The following MAP3K13 variants were observed in gnomAD, a reference collection of about 807,000 sequenced individuals.
MAP3K13 encodes the protein leucine zipper-bearing kinase.
MAP3K13 carries 52 observed loss-of-function variants against 104.0 expected under a neutral mutation model. The ratio of observed to expected loss-of-function variants is 0.50; its 90% CI spans 0.40 to 0.63. MAP3K13 has a LOEUF of 0.63. Among genes scored for constraint, MAP3K13 ranks in the 20% least tolerant of loss-of-function variants. The pLI is 0.00. For missense variants in MAP3K13, 914 were observed against 1,218.5 expected (o/e 0.75, Z 3.72); for synonymous variants, 394 against 442.2 (o/e 0.89, Z 1.37).
chr3:185,398,990 T>C (rs1336324449), intron 1 of MAP3K13, among the ~76,000 whole-genome samples: 1 of 152,218 alleles, frequency 6.6e-6, no homozygotes, highest in Non-Finnish European at 1.5e-5. Context: ...ACAATAAAGC[T>C]ATATGTAGCT....
chr3:185,289,079 G>A (rs1416168506), intron 2 of MAP3K13, among the ~76,000 whole-genome samples: 1 of 152,176 alleles, frequency 6.6e-6, no homozygotes, highest in African/African-American at 2.4e-5. Flanking sequence ...GGAATTTTTA[G>A]AAGACTTTGG....
intron 2 of MAP3K13, among the ~76,000 whole-genome samples, chr3:185,330,407 G>A (rs146358322): frequency 1.3e-5 from 2 of 151,946 alleles, no homozygotes; most frequent in African/African-American, 2.4e-5. Flanking sequence ...TCCAGGACGC[G>A]TTGTCCTAAG....
At position 185,454,628 on chromosome 3, in the gene MAP3K13, T is replaced by TATAG. The variant is rs1553808134; in HGVS notation, c.1278+3236_1278+3237insGATA. 7.1e-3 allele frequency among the ~76,000 whole-genome samples: 372 copies of TATAG among 52,214 alleles called. 73 individuals are homozygous for TATAG. The highest frequency in any genetic ancestry group is 0.033 in the Middle Eastern group (1 of 30). 34.3% of individuals were successfully genotyped at this position (52,214 alleles called of 152,430 possible). ...AGATATATATGATATATATATGAGA[T>TATAG]ATATATATGAGATATATATATGATA... is the stretch of plus-strand genomic sequence containing the variant. On this transcript the variant is annotated intron_variant, in intron 7 of 13. Coordinates refer to ENST00000265026, the MANE Select transcript of MAP3K13 (RefSeq NM_004721.5).
At chr3:185,407,521 A>G (rs1474488675) in intron 1 of MAP3K13, among the ~76,000 whole-genome samples, 1 of 152,206 alleles carries the variant, frequency 6.6e-6, no homozygotes, top group Non-Finnish European at 1.5e-5. Context: ...GGATTTTGTC[A>G]AAGACTTCTT....
chr3:185,434,490 T>C (rs1714914411), intron 2 of MAP3K13, among the ~76,000 whole-genome samples: 2 of 152,218 alleles, frequency 1.3e-5, no homozygotes, highest in Non-Finnish European at 2.9e-5. Context: ...GCCAGGAAAC[T>C]GTCCTCTTTA....
intron 2 of MAP3K13, among the ~76,000 whole-genome samples, chr3:185,311,031 GT>G (rs1721478701): frequency 6.6e-6 from 1 of 152,146 alleles, no homozygotes; most frequent in Non-Finnish European, 1.5e-5. Flanking sequence ...GCTATTTTGT[GT>G]TTCTCTAAAT....
intron 2 of MAP3K13, among the ~76,000 whole-genome samples, chr3:185,312,028 A>G (rs962722955): frequency 6.6e-6 from 1 of 152,262 alleles, no homozygotes; most frequent in Non-Finnish European, 1.5e-5. Flanking sequence ...TGTTATTTAG[A>G]AAGGCATTGG....
At chr3:185,317,151 T>A (rs569503188) in intron 2 of MAP3K13, among the ~76,000 whole-genome samples, 1 of 151,102 alleles carries the variant, frequency 6.6e-6, no homozygotes, top group East Asian at 1.9e-4. Context: ...GATTATGAAA[T>A]CTGAGTTACG....
chr3:185,482,353 A>G lies in MAP3K13; in HGVS notation c.2800-2A>G, dbSNP rs1718513055. ...AATTAAGGTTTTGTCTTGCCTTTGC[A>G]GAACCCCATGCAGTTTGAAGAATCG... On this transcript the variant is annotated splice_acceptor_variant, in intron 13 of 13. Transcript: ENST00000265026. LOFTEE classifies it high-confidence loss of function. This position sits in a 1 kb window ranked among gnomAD's most constrained non-coding sequence, Gnocchi z 4.5. The G allele has an allele frequency of 1.2e-6, 2 of 1,610,762 alleles. No homozygotes were observed. Among genetic ancestry groups the G allele is most frequent in the Non-Finnish European group, 1.7e-6 (2 of 1,176,930 alleles).
At chr3:185,454,506 G>GAT (rs1390027848) in intron 7 of MAP3K13, among the ~76,000 whole-genome samples, 5 of 92,276 alleles carry the variant, frequency 5.4e-5, no homozygotes, top group East Asian at 2.9e-4. Context: ...ATATATATGA[G>GAT]ATATATATGA....
intron 2 of MAP3K13, among the ~76,000 whole-genome samples, chr3:185,436,390 T>C (rs1715030099): frequency 6.6e-6 from 1 of 152,214 alleles, no homozygotes; most frequent in Admixed American, 6.5e-5. Context: ...AATGGCTCTC[T>C]CAATTACTTT....
chr3:185,392,166 G>T (rs1712095371), intron 1 of MAP3K13, among the ~76,000 whole-genome samples: 2 of 152,188 alleles, frequency 1.3e-5, no homozygotes, highest in Admixed American at 1.3e-4. Flanking sequence ...GGCCTAATGA[G>T]TTCAAGGATT....
chr3:185,460,699 G>A (rs1052581664), intron 7 of MAP3K13, among the ~76,000 whole-genome samples: 1 of 152,186 alleles, frequency 6.6e-6, no homozygotes, highest in South Asian at 2.1e-4. Flanking sequence ...ACCTTCGGGG[G>A]AAACACATTA....
At chr3:185,286,831 T>A (rs944812648) in intron 2 of MAP3K13, among the ~76,000 whole-genome samples, 1 of 152,080 alleles carries the variant, frequency 6.6e-6, no homozygotes, top group Non-Finnish European at 1.5e-5. Context: ...ATCTCACATT[T>A]TTTCCATATA....
At chr3:185,348,780 G>T (rs1175283987) in intron 2 of MAP3K13, among the ~76,000 whole-genome samples, 2 of 152,164 alleles carry the variant, frequency 1.3e-5, no homozygotes, top group African/African-American at 4.8e-5. Context: ...AGCTGGGCGT[G>T]GTGGCGGGCG....
chr3:185,320,140 G>GTGCGA (rs1376251736), intron 2 of MAP3K13, among the ~76,000 whole-genome samples: 3 of 151,588 alleles, frequency 2.0e-5, no homozygotes, highest in Non-Finnish European at 4.4e-5. Context: ...GAGTGGAGTG[G>GTGCGA]TGCGATCTCA....
At chr3:185,340,002 T>G (rs1722659268) in intron 2 of MAP3K13, among the ~76,000 whole-genome samples, 1 of 152,162 alleles carries the variant, frequency 6.6e-6, no homozygotes, top group Non-Finnish European at 1.5e-5. Context: ...TTCCTTTTTT[T>G]TTTTGTCAAA....
intron 2 of MAP3K13, among the ~76,000 whole-genome samples, chr3:185,355,069 T>C (rs1723294793): frequency 6.6e-6 from 1 of 152,062 alleles, no homozygotes; most frequent in South Asian, 2.1e-4. Context: ...TTGTAAACTG[T>C]AAAGTGCAGT....
chr3:185,448,774 G>GT (rs1295470393), intron 5 of MAP3K13, among the ~76,000 whole-genome samples: 1 of 152,108 alleles, frequency 6.6e-6, no homozygotes, highest in Non-Finnish European at 1.5e-5. Flanking sequence ...AATCATATAG[G>GT]TAAAAAAACG....
Sources: allele counts gnomAD v4.1 joint callset (sites outside exome capture counted in the v4.1 genomes callset), GRCh38; gene constraint gnomAD v4.1.1; non-coding constraint Gnocchi (gnomAD v3.1); transcripts MANE v1.5; gene names NCBI Gene and HGNC (gene_info 2026-07-23, HGNC 2026-07-21).